NDUFS1: variants seen among roughly 807,000 people sequenced by gnomAD.
The protein encoded by NDUFS1 is NADH-ubiquinone oxidoreductase 75 kDa subunit, mitochondrial.
A neutral mutation model predicts 84.4 loss-of-function variants in NDUFS1; 61 were observed. The observed-to-expected ratio is 0.72, with a 90% CI of 0.59 to 0.89. The LOEUF is 0.89. Among genes scored for constraint, NDUFS1 ranks in the 40% least tolerant of loss-of-function variants. The pLI is 0.00. For missense variants in NDUFS1, 891 were observed against 890.0 expected (o/e 1.00, Z -0.01); for synonymous variants, 275 against 290.0 (o/e 0.95, Z 0.53).
chr2:206,143,766 A>C (rs1271177801), intron 10 of NDUFS1, among the ~76,000 whole-genome samples: 1 of 152,164 alleles, frequency 6.6e-6, no homozygotes, highest in Non-Finnish European at 1.5e-5. Flanking sequence ...TGCATATAAT[A>C]ATTGCTGAAT....
rs199864938 is a variant in NDUFS1, at chr2:206,130,813, C to T, written c.1554-571G>A. Among the ~76,000 whole-genome samples the T allele has an allele frequency of 4.6e-5, 7 of 152,074 alleles. No individual in the cohort carries two copies. The East Asian group carries it at 1.2e-3, about 25-fold the overall frequency. The stretch of plus-strand genomic sequence containing the variant: ...TGAAATAATTCTAGAAATTTTATGC[C>T]AACTGTAATTGCTTTAAGTCTGATT... On this transcript the variant is annotated intron_variant, in intron 14 of 18. Coordinates refer to ENST00000233190, the MANE Select transcript of NDUFS1 (RefSeq NM_005006.7).
chr2:206,147,889 T>G, intron 5 of NDUFS1, 55 bp from the exon 6 acceptor site: 1 of 1,466,474 alleles, frequency 6.8e-7, no homozygotes, highest in Non-Finnish European at 9.6e-7. Context: ...ACACTGACAT[T>G]AACTGCTGGC....
At chr2:206,143,701 G>A (rs2105969479) in intron 10 of NDUFS1, among the ~76,000 whole-genome samples, 1 of 151,932 alleles carries the variant, frequency 6.6e-6, no homozygotes, top group South Asian at 2.1e-4. Flanking sequence ...GTCCTAGTTA[G>A]GCATTCCTCC....
chr2:206,140,145 G>C (rs1466965668), intron 12 of NDUFS1, among the ~76,000 whole-genome samples: 2 of 152,116 alleles, frequency 1.3e-5, no homozygotes, highest in African/African-American at 4.8e-5. Context: ...AGGAGTTCAA[G>C]ACCAGCCTGG....
At chr2:206,151,108 T>C (rs189745328) in intron 3 of NDUFS1, among the ~76,000 whole-genome samples, 1 of 152,326 alleles carries the variant, frequency 6.6e-6, no homozygotes, top group Admixed American at 6.5e-5. Context: ...TGCTTTTTCC[T>C]TGTCTCTTAT....
intron 18 of NDUFS1, among the ~76,000 whole-genome samples, chr2:206,124,564 G>T (rs1181205269): frequency 6.6e-6 from 1 of 152,160 alleles, no homozygotes; most frequent in African/African-American, 2.4e-5. Context: ...GAAAGGCCAG[G>T]CGCGGTGGCT....
chr2:206,149,015 A>T lies in NDUFS1; in HGVS notation c.338+5T>A, dbSNP rs1330778662. The T allele has an allele frequency of 1.2e-5, 20 of 1,600,870 alleles. No homozygotes were observed. The highest frequency in any genetic ancestry group is 1.7e-5 in the Non-Finnish European group (20 of 1,168,282). ...AGGGTACTACATTGAATAACAATAA[A>T]GTACCTGGCTTTTTTGGATTTTTCT... On this transcript the variant is annotated splice_donor_5th_base_variant and intron_variant, in intron 5 of 18. Transcript: ENST00000233190.
chr2:206,151,590 C>T (rs541367978), intron 3 of NDUFS1, among the ~76,000 whole-genome samples: 1 of 152,240 alleles, frequency 6.6e-6, no homozygotes, highest in East Asian at 1.9e-4. Context: ...CTAAAATGAA[C>T]AAAGAACATT....
In NDUFS1 at chr2:206,120,452, G is replaced by A. The variant is rs972613890; in HGVS notation, c.*3733C>T. The A allele has an allele frequency of 1.3e-5, 2 of 152,186 alleles. No individual in the cohort carries two copies. The highest frequency in any genetic ancestry group is 2.9e-5 in the Non-Finnish European group (2 of 68,040). 9.4% of individuals were successfully genotyped at this position (152,186 alleles called of 1,614,324 possible). On this transcript the variant is annotated 3_prime_UTR_variant, in exon 19 of 19. Coordinates refer to ENST00000233190, the MANE Select transcript of NDUFS1 (RefSeq NM_005006.7). ...TGATAGACATATGGTGAAGTCCAGA[G>A]TGATGAGGTCTCAGATGGAAATGAG...
rs1691028425 is a variant in NDUFS1, at chr2:206,119,109, G to C, written c.*5076C>G. 1 of 152,160 alleles carries C rather than the reference G, an allele frequency of 6.6e-6. No homozygotes were observed. 9.4% of individuals were successfully genotyped at this position (152,160 alleles called of 1,614,324 possible). A position where few individuals can be genotyped will look rare whatever the true frequency, so the allele number is the denominator to read the frequency against. The stretch of plus-strand genomic sequence containing the variant: ...CTAAGATAAAACAAAGAAACAAAAA[G>C]GAATGCACTTCTTAATAAGCTGGAG... On this transcript the variant is annotated 3_prime_UTR_variant, in exon 19 of 19. Coordinates refer to ENST00000233190, the MANE Select transcript of NDUFS1 (RefSeq NM_005006.7).
chr2:206,138,372 C>A (rs553395308), intron 13 of NDUFS1, 113 bp downstream of exon 13: 4 of 1,273,786 alleles, frequency 3.1e-6, no homozygotes, highest in Non-Finnish European at 3.3e-6. Flanking sequence ...TGAGCCACCG[C>A]GCCCAACCTG....
chr2:206,126,686 A>C (rs1559041903), intron 17 of NDUFS1, 24 bp downstream of exon 17: 1 of 1,614,098 alleles, frequency 6.2e-7, no homozygotes, highest in Admixed American at 1.7e-5. Flanking sequence ...ACATTATGAA[A>C]ACTGCTCATA....
intron 8 of NDUFS1, among the ~76,000 whole-genome samples, chr2:206,146,128 G>C (rs1475060621): frequency 6.6e-6 from 1 of 152,128 alleles, no homozygotes. Context: ...ACTCTTATTA[G>C]GTCACGGTGT....
intron 1 of NDUFS1, 29 bp downstream of exon 1, chr2:206,159,312 T>A: frequency 1.5e-6 from 1 of 659,980 alleles, no homozygotes; most frequent in Non-Finnish European, 2.7e-6. Context: ...CCGACGCACC[T>A]CACCCTTCCC....
rs1243770963 is a variant in NDUFS1, at chr2:206,159,330, C to G, written c.-5+11G>C. ...ACGCACCTCACCCTTCCCATCCATA[C>G]AAGACCTCACCTTCTCCCCGGAGCC... On this transcript the variant is annotated intron_variant, in intron 1 of 18. Transcript: ENST00000233190. The G allele has an allele frequency of 4.8e-6, 3 of 622,964 alleles. No homozygotes were observed. In the South Asian group the frequency reaches 5.7e-5, roughly 12 times the overall value. The allele number at this position is 622,964 out of a possible 1,614,324, so 38.6% of individuals were successfully genotyped here.
rs1379989488 is a variant in NDUFS1 at position 206,144,877 on chromosome 2, C to T, written c.872+15G>A. 1.2e-6 allele frequency: 2 copies of T among 1,612,000 alleles called. No homozygotes were observed. Among genetic ancestry groups the T allele is most frequent in the South Asian group, 1.1e-5 (1 of 90,552 alleles). ...AATAAACTGTAAAAGTTAAGGAAAA[C>T]AATATAGCATATACCTGGTTTTATC... is the stretch of plus-strand genomic sequence containing the variant. On this transcript the variant is annotated intron_variant, in intron 9 of 18. Coordinates refer to ENST00000233190, the MANE Select transcript of NDUFS1 (RefSeq NM_005006.7).
chr2:206,140,633 AC>A (rs1455018382), intron 12 of NDUFS1, among the ~76,000 whole-genome samples: 4 of 151,880 alleles, frequency 2.6e-5, no homozygotes, highest in Non-Finnish European at 4.4e-5. Context: ...GGCATGCGCC[AC>A]CATGCCCGGC....
At position 206,126,807 on chromosome 2, in the gene NDUFS1, T is replaced by C; in HGVS notation, c.1922A>G (p.Gln641Arg). ...GACTTCTTCCAATCTGTTCCTTACT[T>C]GATCCAGAGTATCATATGGAAGAGT... ...GMTLPYDTLD[Q>R]VRNRLEEVSP... is the part of the protein sequence containing the mutation. The change falls in exon 17 of 19, where the codon CAA (glutamine) becomes CGA (arginine). Residue 641 changes from glutamine to arginine, a missense_variant. Coordinates refer to ENST00000233190, the MANE Select transcript of NDUFS1 (RefSeq NM_005006.7). The C allele has an allele frequency of 6.2e-7, 1 of 1,614,184 alleles. No homozygotes were observed. Among genetic ancestry groups the C allele is most frequent in the Non-Finnish European group, 8.5e-7 (1 of 1,180,022 alleles).
chr2:206,152,463 C>G lies in NDUFS1; in HGVS notation c.109G>C (p.Asp37His), dbSNP rs1008438383. The G allele has an allele frequency of 1.1e-5, 18 of 1,614,006 alleles. No individual in the cohort carries two copies. The highest frequency in any genetic ancestry group is 1.5e-5 in the Non-Finnish European group (18 of 1,180,018). ...AASNLIEVFVDGQSVMVEPGT... is the reference protein window; with the variant it reads ...AASNLIEVFVHGQSVMVEPGT... ...GGTTCCACCATGACAGACTGACCAT[C>G]AACAAATACTTCAATCAAGTTGCTT... Residue 37 changes from aspartate (D) to histidine (H), a missense_variant, in exon 3 of 19, where the codon GAT becomes CAT. By Grantham distance (81) the Asp-to-His change is moderately conservative (BLOSUM62 -1). Transcript: ENST00000233190.
Sources: gnomAD v4.1 joint callset for allele counts (sites outside exome capture counted in the v4.1 genomes callset) on GRCh38, gnomAD v4.1.1 for gene constraint, MANE v1.5 for transcripts, NCBI Gene and HGNC (gene_info 2026-07-23, HGNC 2026-07-21) for gene names.